Variants in TANGO6 observed in about 807,000 individuals in gnomAD.
TANGO6 encodes transport and Golgi organization protein 6 homolog.
A neutral mutation model predicts 114.2 loss-of-function variants in TANGO6; 90 were observed. The ratio of observed to expected loss-of-function variants is 0.79; its 90% CI spans 0.66 to 0.94. The LOEUF is 0.94. Among genes scored for constraint, TANGO6 ranks in the 40% least tolerant of loss-of-function variants. The pLI is 0.00. For missense variants in TANGO6, 1,274 were observed against 1,315.3 expected, an observed-to-expected ratio of 0.97 and a Z score of 0.49; for synonymous variants, 477 against 509.8, an observed-to-expected ratio of 0.94 and a Z score of 0.87.
chr16:68,946,352 C>T (rs900916556), intron 14 of TANGO6, among the ~76,000 whole-genome samples: 5 of 152,094 alleles, frequency 3.3e-5, no homozygotes, highest in East Asian at 1.9e-4. Flanking sequence ...CCACAATGCC[C>T]GGCTAATTTT....
At chr16:68,939,167 G>A (rs1597029250) in intron 14 of TANGO6, among the ~76,000 whole-genome samples, 1 of 150,074 alleles carries the variant, frequency 6.7e-6, no homozygotes. Flanking sequence ...AATAAATTTA[G>A]TTTGTAAAAT....
At chr16:68,937,440 G>A (rs1433018770) in intron 14 of TANGO6, 3 of 152,246 alleles carry the variant, frequency 2.0e-5, no homozygotes, top group Middle Eastern at 6.8e-3. Context: ...ATTAAAACAT[G>A]CAAGTCAGTG....
intron 7 of TANGO6, among the ~76,000 whole-genome samples, chr16:68,893,487 C>G (rs1049402925): frequency 6.6e-6 from 1 of 152,064 alleles, no homozygotes; most frequent in Non-Finnish European, 1.5e-5. Flanking sequence ...TGCCTGTAAT[C>G]CCAGCACTTT....
At chr16:69,006,123 A>G (rs1964089936) in intron 15 of TANGO6, among the ~76,000 whole-genome samples, 1 of 152,158 alleles carries the variant, frequency 6.6e-6, no homozygotes, top group African/African-American at 2.4e-5. Context: ...GCAGTGGGAA[A>G]GCCCTGGGTT....
chr16:68,876,685 G>A (rs1962366259), intron 5 of TANGO6, among the ~76,000 whole-genome samples: 3 of 152,022 alleles, frequency 2.0e-5, no homozygotes, highest in Admixed American at 2.0e-4. Context: ...GCCAAGCGTG[G>A]TGGTGCACAC....
intron 14 of TANGO6, among the ~76,000 whole-genome samples, chr16:68,965,235 C>T (rs1963634303): frequency 6.6e-6 from 1 of 152,176 alleles, no homozygotes; most frequent in African/African-American, 2.4e-5. Flanking sequence ...TCTCAGCTCA[C>T]TGCAACCTCC....
chr16:68,898,097 G>A (rs535734904), intron 7 of TANGO6, among the ~76,000 whole-genome samples: 2 of 152,018 alleles, frequency 1.3e-5, no homozygotes, highest in African/African-American at 2.4e-5. Context: ...GATTACCTCC[G>A]AGAACACAGG....
At chr16:68,993,960 A>G (rs1963968123) in intron 15 of TANGO6, among the ~76,000 whole-genome samples, 1 of 152,182 alleles carries the variant, frequency 6.6e-6, no homozygotes, top group Non-Finnish European at 1.5e-5. Flanking sequence ...AGGAGAACCA[A>G]TCTGTTTGTC....
intron 14 of TANGO6, among the ~76,000 whole-genome samples, chr16:68,939,577 ATT>A (rs576027928): frequency 0.027 from 3,725 of 137,392 alleles, 160 homozygotes; most frequent in African/African-American, 0.091. Flanking sequence ...ACTAAAAGGA[ATT>A]TTTTTTTTTT....
At chr16:68,904,256 G>A (rs562845077) in intron 9 of TANGO6, among the ~76,000 whole-genome samples, 4 of 152,216 alleles carry the variant, frequency 2.6e-5, no homozygotes, top group South Asian at 2.1e-4. Flanking sequence ...ACAGGTGCGC[G>A]CCACCATGCC....
chr16:69,013,654 CTT>C (rs1221505040), intron 15 of TANGO6, among the ~76,000 whole-genome samples: 2 of 128,134 alleles, frequency 1.6e-5, no homozygotes, highest in African/African-American at 3.0e-5. Context: ...CCTTAAGTTC[CTT>C]TTTTTTTTTT....
chr16:68,929,654 A>G (rs1342690177), intron 13 of TANGO6, among the ~76,000 whole-genome samples: 1 of 152,166 alleles, frequency 6.6e-6, no homozygotes, highest in East Asian at 1.9e-4. Flanking sequence ...GATAAGCTGT[A>G]CTCACTGTAG....
At chr16:68,937,854 T>G (rs936628036) in intron 14 of TANGO6, 2 of 152,200 alleles carry the variant, frequency 1.3e-5, no homozygotes, top group Admixed American at 1.3e-4. Context: ...CGGGGTGGTA[T>G]CCCCGTAGAC....
At chr16:68,893,732 T>C (rs1962663680) in intron 7 of TANGO6, among the ~76,000 whole-genome samples, 2 of 101,698 alleles carry the variant, frequency 2.0e-5, no homozygotes, top group Admixed American at 2.4e-4. Flanking sequence ...TGAAACTGTG[T>C]CTCAAAAAAA....
chr16:69,062,970 A>G (rs548132344), intron 17 of TANGO6, among the ~76,000 whole-genome samples: 1 of 150,944 alleles, frequency 6.6e-6, no homozygotes, highest in African/African-American at 2.4e-5. Context: ...GCTCATGCCT[A>G]TAATCCCAGA....
At chr16:68,973,502 A>G (rs1365931272) in intron 14 of TANGO6, among the ~76,000 whole-genome samples, 2 of 152,156 alleles carry the variant, frequency 1.3e-5, no homozygotes, top group African/African-American at 4.8e-5. Flanking sequence ...TCAGATTATG[A>G]TAACACTGTT....
intron 12 of TANGO6, among the ~76,000 whole-genome samples, chr16:68,923,132 T>C (rs1472327967): frequency 3.3e-5 from 5 of 151,102 alleles, no homozygotes; most frequent in Non-Finnish European, 7.4e-5. Flanking sequence ...TTTTTTTTTT[T>C]TTTGTAGTAG....
chr16:68,862,008 A>G (rs1962098789), intron 2 of TANGO6, among the ~76,000 whole-genome samples: 1 of 151,804 alleles, frequency 6.6e-6, no homozygotes, highest in East Asian at 1.9e-4. Context: ...AGATGGAGAC[A>G]TCTATTTTTT....
Position 68,902,523 on chromosome 16 carries a change from T to A in TANGO6, c.1667+19T>A. The A allele has an allele frequency of 6.3e-7, 1 of 1,587,480 alleles. No individual in the cohort carries two copies. Among genetic ancestry groups the A allele is most frequent in the Non-Finnish European group, 8.6e-7 (1 of 1,168,458 alleles). ...CCATTAGGTGAGTCCACCCATCCGT[T>A]ACTGTTCTCTTCAGATTTAGTTCCG... On this transcript the variant is annotated intron_variant, in intron 9 of 17. Transcript: ENST00000261778.
Sources: gnomAD v4.1 joint callset for allele counts (sites outside exome capture counted in the v4.1 genomes callset) on GRCh38, gnomAD v4.1.1 for gene constraint, MANE v1.5 for transcripts, NCBI Gene and HGNC (gene_info 2026-07-23, HGNC 2026-07-21) for gene names.